The following LPIN1 variants were observed in gnomAD, a reference collection of about 807,000 sequenced individuals.
LPIN1 encodes the protein lipin 1.
LPIN1 carries 71 observed loss-of-function variants against 107.5 expected under a neutral mutation model. The ratio of observed to expected loss-of-function variants is 0.66; its 90% confidence interval spans 0.55 to 0.80. The LOEUF is 0.80. Among genes scored for constraint, LPIN1 ranks in the 30% least tolerant of loss-of-function variants. The pLI is 0.00. For synonymous variants in LPIN1, 445 were observed against 452.6 expected (o/e 0.98, Z 0.21); for missense variants, 1,043 against 1,160.6 (o/e 0.90, Z 1.47).
At chr2:11,769,656 C>T (rs550030555) in intron 3 of LPIN1, among the ~76,000 whole-genome samples, 3 of 151,580 alleles carry the variant, frequency 2.0e-5, no homozygotes, top group Non-Finnish European at 4.4e-5. Context: ...GTTGTGCATG[C>T]TTTTGGTGTC....
In LPIN1 at chr2:11,783,897, G is replaced by A; in HGVS notation, c.1333G>A (p.Val445Met). The part of the protein sequence containing the change: ...LDDLTDMDPE[V>M]AALYFPKNGD... ...TGACCTCACAGACATGGATCCTGAA[G>A]TGGCGGCCCTGTATTTTCCCAAAAA... The change falls in exon 9 of 21, where the codon GTG becomes ATG. Residue 445 changes from valine to methionine, a missense_variant. Coordinates refer to ENST00000674199, the MANE Select transcript of LPIN1 (RefSeq NM_001349206.2). The A allele has an allele frequency of 6.2e-7, 1 of 1,614,196 alleles. No homozygotes were observed. Among genetic ancestry groups the A allele is most frequent in the African/African-American group, 1.3e-5 (1 of 75,052 alleles).
upstream of LPIN1, among the ~76,000 whole-genome samples, chr2:11,744,917 G>C (rs982999532): frequency 2.0e-5 from 3 of 152,198 alleles, no homozygotes; most frequent in African/African-American, 7.2e-5. Flanking sequence ...TGCAATGTCA[G>C]CATGGGACAG....
At chr2:11,778,970 A>G (rs1243392825) in intron 6 of LPIN1, among the ~76,000 whole-genome samples, 1 of 152,232 alleles carries the variant, frequency 6.6e-6, no homozygotes, top group African/African-American at 2.4e-5. Context: ...GCTCCTGCCC[A>G]ACGTTATCGA....
intron 1 of LPIN1, among the ~76,000 whole-genome samples, chr2:11,747,430 A>G (rs1461582673): frequency 6.6e-6 from 1 of 152,226 alleles, no homozygotes; most frequent in Non-Finnish European, 1.5e-5. Context: ...TGTGGTCAGT[A>G]GTTGCTGGAG....
chr2:11,751,551 A>G (rs1264943187), intron 1 of LPIN1, among the ~76,000 whole-genome samples: 1 of 152,160 alleles, frequency 6.6e-6, no homozygotes, highest in African/African-American at 2.4e-5. Context: ...GTACAAATGT[A>G]ATTTTTTAAA....
chr2:11,817,931 C>CAAAAAA (rs34888081), intron 18 of LPIN1: 3 of 25,542 alleles, frequency 1.2e-4, no homozygotes, highest in Non-Finnish European at 1.7e-4. Context: ...GACTCTGTCT[C>CAAAAAA]AAAAAAAAAA....
rs139956092 is a variant in LPIN1 at position 11,758,613 on chromosome 2, T to G, written c.-9-6920T>G. ...TGACCCTGTCACTTGTTGAGAATTA[T>G]TGAGAAGATTTCCTGCTTTCAAATC... On this transcript the variant is annotated intron_variant, in intron 1 of 20. Transcript: ENST00000674199. 9.0e-3 allele frequency among the ~76,000 whole-genome samples: 1,369 copies of G among 152,340 alleles called. 19 individuals are homozygous for G. Among genetic ancestry groups the G allele is most frequent in the African/African-American group, 0.031 (1,280 of 41,568 alleles).
intron 18 of LPIN1, among the ~76,000 whole-genome samples, chr2:11,815,655 T>C (rs950156061): frequency 6.6e-6 from 1 of 152,082 alleles, no homozygotes; most frequent in Non-Finnish European, 1.5e-5. Context: ...ACAATGAGCC[T>C]CTATCTCATC....
chr2:11,762,590 C>T (rs1435612222), intron 1 of LPIN1, among the ~76,000 whole-genome samples: 1 of 152,118 alleles, frequency 6.6e-6, no homozygotes, highest in Non-Finnish European at 1.5e-5. Context: ...GAAGACACTC[C>T]TTTCACCTTT....
Position 11,707,051 on chromosome 2 carries a change from C to T in LPIN1, c.82-6705C>T, listed in dbSNP as rs1377643187. On this transcript the variant is annotated intron_variant, in intron 1 of 21. Coordinates refer to the LPIN1 transcript ENST00000449576. This position sits in a 1 kb window ranked among gnomAD's most constrained non-coding sequence, Gnocchi z 4.2. ...TACTGACTAAACGTTACCTTTGTAG[C>T]AATTAGCCATACAGCACCTCTTAGA... 1.3e-5 allele frequency among the ~76,000 whole-genome samples: 2 copies of T among 152,136 alleles called. No individual in the cohort carries two copies. The highest frequency in any genetic ancestry group is 2.9e-5 in the Non-Finnish European group (2 of 68,028).
At chr2:11,799,553 T>C (rs544175716) in intron 14 of LPIN1, among the ~76,000 whole-genome samples, 3 of 152,056 alleles carry the variant, frequency 2.0e-5, no homozygotes, top group South Asian at 4.2e-4. Flanking sequence ...ACCTCCAGAT[T>C]GTTGGTTCAG....
chr2:11,813,236 A>G (rs1199953001), intron 17 of LPIN1, among the ~76,000 whole-genome samples: 2 of 152,204 alleles, frequency 1.3e-5, no homozygotes, highest in East Asian at 3.8e-4. Context: ...GACGGGGTCC[A>G]TGCATTTGGG....
At chr2:11,801,222 A>T (rs143658455) in intron 14 of LPIN1, among the ~76,000 whole-genome samples, 51 of 152,350 alleles carry the variant, frequency 3.3e-4, no homozygotes, top group African/African-American at 1.2e-3. Flanking sequence ...TAAAAATAGA[A>T]CTAGCATACA....
chr2:11,775,345 A>C (rs1672497347), intron 5 of LPIN1, among the ~76,000 whole-genome samples: 2 of 152,210 alleles, frequency 1.3e-5, no homozygotes, highest in African/African-American at 2.4e-5. Flanking sequence ...TAGATGAAAA[A>C]ATCTGTTCAA....
chr2:11,710,311 A>G (rs1663344070), intron 1 of LPIN1, among the ~76,000 whole-genome samples: 1 of 152,174 alleles, frequency 6.6e-6, no homozygotes, highest in Non-Finnish European at 1.5e-5. Context: ...ATAGCGTCAC[A>G]TAAGTCTATG....
At position 11,771,849 on chromosome 2, in the gene LPIN1, A is replaced by G. The variant is rs555046909; in HGVS notation, c.596+170A>G. ...CAGTTTTGTGGAAGACAGTGTTTCC[A>G]TGGACCAGGGGTGGATGGTTTTAGG... On this transcript the variant is annotated intron_variant, in intron 4 of 20. Transcript: ENST00000674199. The surrounding 1 kb of genome is among the most constrained non-coding windows in gnomAD (Gnocchi z 4.8). 6.6e-6 allele frequency among the ~76,000 whole-genome samples: 1 copy of G among 152,310 alleles called. No homozygotes were observed. Among genetic ancestry groups the G allele is most frequent in the African/African-American group, 2.4e-5 (1 of 41,554 alleles).
chr2:11,754,642 C>T (rs1668386186), intron 1 of LPIN1, among the ~76,000 whole-genome samples: 1 of 152,150 alleles, frequency 6.6e-6, no homozygotes, highest in Admixed American at 6.5e-5. Context: ...GAGGTCATGA[C>T]AATAATAAGA....
At chr2:11,761,424 A>C (rs1006775233) in intron 1 of LPIN1, among the ~76,000 whole-genome samples, 14 of 152,028 alleles carry the variant, frequency 9.2e-5, no homozygotes, top group Admixed American at 2.6e-4. Flanking sequence ...TCTGGTGTTT[A>C]CTCCCAGGTG....
chr2:11,679,810 G>A (rs1265321718), intron 1 of LPIN1, among the ~76,000 whole-genome samples: 4 of 152,256 alleles, frequency 2.6e-5, no homozygotes, highest in Non-Finnish European at 5.9e-5. Context: ...GGGGCCGGGG[G>A]AGTCTGGCCT....
Sources: allele counts gnomAD v4.1 joint callset (sites outside exome capture counted in the v4.1 genomes callset), GRCh38; gene constraint gnomAD v4.1.1; non-coding constraint Gnocchi (gnomAD v3.1); transcripts MANE v1.5; gene names NCBI Gene and HGNC (gene_info 2026-07-23, HGNC 2026-07-21).